BAIAP2L1: variants seen among roughly 807,000 people sequenced by gnomAD.
BAIAP2L1 encodes BAR/IMD domain containing adaptor protein 2 like 1.
In BAIAP2L1, 35 loss-of-function variants were observed where a neutral mutation model predicts 66.3. The ratio of observed to expected loss-of-function variants is 0.53; its 90% confidence interval spans 0.40 to 0.70. The LOEUF (loss-of-function observed/expected upper bound fraction) is 0.70. Among genes scored for constraint, BAIAP2L1 ranks in the 30% least tolerant of loss-of-function variants. The probability of loss-of-function intolerance (pLI) is 0.00; values close to 1 mark genes in which losing one functional copy is unlikely to be tolerated. For synonymous variants in BAIAP2L1, 269 were observed against 248.7 expected (o/e 1.08, Z -0.77); for missense variants, 622 against 656.9 (o/e 0.95, Z 0.58).
chr7:98,310,666 T>C (rs1401538002), intron 8 of BAIAP2L1, 74 bp from the exon 9 acceptor site: 2 of 1,227,934 alleles, frequency 1.6e-6, no homozygotes, highest in African/African-American at 1.6e-5. Flanking sequence ...CAAGGCTGTT[T>C]TTTTTTTTTA....
chr7:98,375,680 C>T (rs1414484050), intron 1 of BAIAP2L1, among the ~76,000 whole-genome samples: 3 of 137,194 alleles, frequency 2.2e-5, no homozygotes, highest in Admixed American at 8.4e-5. Flanking sequence ...ATCTGGGAGG[C>T]GGAGGTTGCG....
chr7:98,335,737 C>G (rs1341164066), intron 3 of BAIAP2L1, among the ~76,000 whole-genome samples: 1 of 152,186 alleles, frequency 6.6e-6, no homozygotes, highest in East Asian at 1.9e-4. Flanking sequence ...TGCCAGCTCC[C>G]CCGCTGGGAC....
intron 3 of BAIAP2L1, among the ~76,000 whole-genome samples, chr7:98,350,161 A>G (rs1364044656): frequency 1.3e-5 from 2 of 152,168 alleles, no homozygotes; most frequent in African/African-American, 4.8e-5. Flanking sequence ...GCTAGAAAGA[A>G]AGACAAGGAT....
intron 1 of BAIAP2L1, among the ~76,000 whole-genome samples, chr7:98,379,412 A>G (rs1802708080): frequency 6.6e-6 from 1 of 152,204 alleles, no homozygotes; most frequent in Non-Finnish European, 1.5e-5. Flanking sequence ...ATCAGCCTCG[A>G]AAATTGAGCA....
intron 1 of BAIAP2L1, chr7:98,385,725 T>C: frequency 1.6e-6 from 2 of 1,263,628 alleles, no homozygotes; most frequent in Non-Finnish European, 2.2e-6. Context: ...GGAATCAACA[T>C]TTCTTTTTTT....
At chr7:98,322,463 C>T (rs1047935590) in intron 3 of BAIAP2L1, among the ~76,000 whole-genome samples, 2 of 152,156 alleles carry the variant, frequency 1.3e-5, no homozygotes, top group Non-Finnish European at 2.9e-5. Context: ...CAACTTCTCG[C>T]CCATGTGTAA....
At chr7:98,399,675 C>T (rs1803304275) in intron 1 of BAIAP2L1, among the ~76,000 whole-genome samples, 1 of 151,938 alleles carries the variant, frequency 6.6e-6, no homozygotes, top group Non-Finnish European at 1.5e-5. Flanking sequence ...CTATTAATAG[C>T]AGATGATTAA....
At chr7:98,360,618 C>T (rs369778860) in intron 2 of BAIAP2L1, among the ~76,000 whole-genome samples, 3 of 148,404 alleles carry the variant, frequency 2.0e-5, no homozygotes, top group Admixed American at 6.8e-5. Context: ...GCAGCTCATG[C>T]TAGAAAGAAA....
At chr7:98,386,950 C>T (rs1000830147) in intron 1 of BAIAP2L1, among the ~76,000 whole-genome samples, 17 of 152,180 alleles carry the variant, frequency 1.1e-4, no homozygotes, top group Non-Finnish European at 2.1e-4. Flanking sequence ...CTGCCCGCCT[C>T]GGCCTCCCAA....
intron 9 of BAIAP2L1, 149 bp from the exon 10 acceptor site, chr7:98,308,045 T>A (rs1461294029): frequency 3.8e-6 from 3 of 787,382 alleles, no homozygotes; most frequent in East Asian, 5.2e-5. Flanking sequence ...TTCCTCGCTT[T>A]GATCATTGCC....
chr7:98,316,702 A>G (rs999338544), intron 6 of BAIAP2L1, among the ~76,000 whole-genome samples: 2 of 152,116 alleles, frequency 1.3e-5, no homozygotes, highest in African/African-American at 4.8e-5. Context: ...CTACTCTGCT[A>G]TTGGACACTA....
intron 1 of BAIAP2L1, among the ~76,000 whole-genome samples, chr7:98,385,169 A>T (rs1802857591): frequency 6.6e-6 from 1 of 151,412 alleles, no homozygotes; most frequent in Admixed American, 6.6e-5. Context: ...TTAGCCAGGC[A>T]TGGTGGCAGG....
chr7:98,398,415 T>A (rs1448585703), intron 1 of BAIAP2L1, among the ~76,000 whole-genome samples: 1 of 151,818 alleles, frequency 6.6e-6, no homozygotes, highest in African/African-American at 2.4e-5. Context: ...CAGCCTTCAC[T>A]ATTTCATAGA....
intron 3 of BAIAP2L1, among the ~76,000 whole-genome samples, chr7:98,340,775 C>G (rs1801724454): frequency 6.7e-6 from 1 of 150,256 alleles, no homozygotes; most frequent in South Asian, 2.1e-4. Flanking sequence ...TGGACTTCCA[C>G]AGTACATGCT....
chr7:98,375,621 C>A (rs1802607910), intron 1 of BAIAP2L1, among the ~76,000 whole-genome samples: 1 of 148,916 alleles, frequency 6.7e-6, no homozygotes, highest in African/African-American at 2.5e-5. Flanking sequence ...TGGTGGCAGG[C>A]ACCTATAATC....
chr7:98,351,279 G>A (rs905500949), intron 3 of BAIAP2L1, among the ~76,000 whole-genome samples: 1 of 152,204 alleles, frequency 6.6e-6, no homozygotes, highest in Non-Finnish European at 1.5e-5. Context: ...TACACCCAGA[G>A]CACCGCTAAC....
At chr7:98,328,609 G>A (rs1801426286) in intron 3 of BAIAP2L1, among the ~76,000 whole-genome samples, 1 of 151,426 alleles carries the variant, frequency 6.6e-6, no homozygotes, top group African/African-American at 2.4e-5. Context: ...CTACTTGGGA[G>A]GCTGAGGTGG....
At chr7:98,361,639 C>G (rs147689493) in intron 2 of BAIAP2L1, among the ~76,000 whole-genome samples, 3 of 152,138 alleles carry the variant, frequency 2.0e-5, no homozygotes, top group African/African-American at 7.2e-5. Context: ...AATAGCAATA[C>G]TCAAGTTCAT....
intron 1 of BAIAP2L1, among the ~76,000 whole-genome samples, chr7:98,376,623 C>T (rs1178155883): frequency 2.8e-5 from 4 of 142,556 alleles, no homozygotes; most frequent in Non-Finnish European, 4.5e-5. Flanking sequence ...GAGTTCGAGA[C>T]CAGCCTGACC....
Sources: allele counts gnomAD v4.1 joint callset (sites outside exome capture counted in the v4.1 genomes callset), GRCh38; gene constraint gnomAD v4.1.1; transcripts MANE v1.5; gene names NCBI Gene and HGNC (gene_info 2026-07-23, HGNC 2026-07-21).